PSMD1: variants seen among roughly 807,000 people sequenced by gnomAD.
PSMD1 encodes proteasome 26S subunit, non-ATPase 1.
PSMD1 carries 18 observed loss-of-function variants against 119.0 expected under a neutral mutation model. The observed-to-expected ratio is 0.15, with a 90% CI of 0.10 to 0.22. PSMD1 has a LOEUF of 0.22. Among genes scored for constraint, PSMD1 ranks in the 10% least tolerant of loss-of-function variants. The pLI is 1.00. For missense variants in PSMD1, 702 were observed against 1,158.5 expected (o/e 0.61, Z 5.72); for synonymous variants, 374 against 396.6 (o/e 0.94, Z 0.68).
At chr2:231,157,586 T>TC (rs1553568809) in intron 19 of PSMD1, among the ~76,000 whole-genome samples, 1 of 150,752 alleles carries the variant, frequency 6.6e-6, no homozygotes, top group South Asian at 2.1e-4. Flanking sequence ...TTCTTTTTTT[T>TC]GGGGGGGGCC....
At chr2:231,140,538 T>TAAG (rs1696083530) in intron 17 of PSMD1, among the ~76,000 whole-genome samples, 1 of 138,104 alleles carries the variant, frequency 7.2e-6, no homozygotes, top group East Asian at 2.1e-4. Flanking sequence ...TGTGTACAAA[T>TAAG]AAGTTTTTCT....
intron 16 of PSMD1, 55 bp downstream of exon 16, chr2:231,087,236 G>A (rs1694475053): frequency 6.8e-6 from 10 of 1,462,458 alleles, no homozygotes; most frequent in African/African-American, 1.4e-5. Context: ...TGGAAATGTA[G>A]TAGTCACTAC....
intron 18 of PSMD1, among the ~76,000 whole-genome samples, chr2:231,149,925 G>GAAGAATATTTGA (rs1696335445): frequency 6.6e-6 from 1 of 152,136 alleles, no homozygotes; most frequent in South Asian, 2.1e-4. Flanking sequence ...TATTTTGAAG[G>GAAGAATATTTGA]AAGAATACAG....
intron 16 of PSMD1, among the ~76,000 whole-genome samples, chr2:231,124,440 AC>A (rs1011630005): frequency 6.6e-6 from 1 of 152,126 alleles, no homozygotes; most frequent in African/African-American, 2.4e-5. Flanking sequence ...TGCGCTGGCC[AC>A]CCACCTAGAA....
intron 10 of PSMD1, 44 bp downstream of exon 10, chr2:231,078,791 CTTTTTTTTT>C (rs748353083): frequency 7.6e-5 from 26 of 342,868 alleles, no homozygotes; most frequent in African/African-American, 1.7e-4. Context: ...AAATCTTTTT[CTTTTTTTTT>C]TTTTTTTTTT....
At chr2:231,066,235 T>G (rs1205196031) in intron 4 of PSMD1, among the ~76,000 whole-genome samples, 5 of 152,222 alleles carry the variant, frequency 3.3e-5, no homozygotes, top group Non-Finnish European at 7.3e-5. Context: ...TGGAAAAGTT[T>G]TTGGAAATCT....
intron 16 of PSMD1, chr2:231,109,215 A>C (rs778435492): frequency 3.1e-6 from 5 of 1,614,096 alleles, no homozygotes; most frequent in Admixed American, 1.7e-5. Flanking sequence ...TTTTTGACTA[A>C]GTAAGCCTTC....
At chr2:231,062,154 C>T in intron 2 of PSMD1, 94 bp from the exon 3 acceptor site, 1 of 769,744 alleles carries the variant, frequency 1.3e-6, no homozygotes, top group Non-Finnish European at 2.2e-6. Flanking sequence ...GTAAATATTA[C>T]TGAGGATTTG....
intron 17 of PSMD1, among the ~76,000 whole-genome samples, chr2:231,143,707 C>G (rs1313096100): frequency 6.6e-6 from 1 of 152,118 alleles, no homozygotes; most frequent in African/African-American, 2.4e-5. Flanking sequence ...TTCCTAGAAC[C>G]TTTGATACAG....
intron 16 of PSMD1, among the ~76,000 whole-genome samples, chr2:231,116,268 A>C (rs945896274): frequency 6.6e-6 from 1 of 152,174 alleles, no homozygotes; most frequent in Non-Finnish European, 1.5e-5. Context: ...ATGAGGGTAC[A>C]TCTTGAGCTG....
chr2:231,138,909 C>T (rs747910974), intron 17 of PSMD1, 59 bp downstream of exon 17: 13 of 1,272,370 alleles, frequency 1.0e-5, no homozygotes, highest in Admixed American at 1.8e-5. Context: ...TTTCCCTCGC[C>T]GCAGAATTTA....
At chr2:231,092,253 A>G (rs768514707) in intron 16 of PSMD1, among the ~76,000 whole-genome samples, 2 of 152,160 alleles carry the variant, frequency 1.3e-5, no homozygotes, top group Non-Finnish European at 2.9e-5. Flanking sequence ...TGTCTCCTTA[A>G]TACCATGATA....
At chr2:231,166,366 C>T (rs1484263298) in intron 23 of PSMD1, among the ~76,000 whole-genome samples, 1 of 152,166 alleles carries the variant, frequency 6.6e-6, no homozygotes, top group Non-Finnish European at 1.5e-5. Flanking sequence ...GGTACTAAAT[C>T]TCTCTCTGCC....
chr2:231,137,983 G>A (rs1696012785), intron 16 of PSMD1, among the ~76,000 whole-genome samples: 1 of 152,142 alleles, frequency 6.6e-6, no homozygotes, highest in Non-Finnish European at 1.5e-5. Flanking sequence ...ATACACCTGT[G>A]TAACCAGTAC....
intron 16 of PSMD1, among the ~76,000 whole-genome samples, chr2:231,101,147 A>G (rs958810907): frequency 5.3e-5 from 8 of 152,318 alleles, no homozygotes; most frequent in African/African-American, 1.7e-4. Flanking sequence ...AGCAAACACA[A>G]TTTGTGGGTA....
chr2:231,163,100 CAAA>C (rs202054935), intron 20 of PSMD1: 3 of 102,148 alleles, frequency 2.9e-5, no homozygotes, highest in Non-Finnish European at 4.1e-5. Context: ...AACTCCGTCT[CAAA>C]AAAAAAAAAA....
chr2:231,132,369 T>C (rs1380626929), intron 16 of PSMD1, among the ~76,000 whole-genome samples: 2 of 152,230 alleles, frequency 1.3e-5, no homozygotes, highest in Admixed American at 1.3e-4. Flanking sequence ...AAGGGGTAAC[T>C]TGATAAGTAT....
At chr2:231,131,945 A>C (rs552479940) in intron 16 of PSMD1, among the ~76,000 whole-genome samples, 10 of 152,196 alleles carry the variant, frequency 6.6e-5, no homozygotes, top group African/African-American at 2.2e-4. Flanking sequence ...TTTCTAAAGA[A>C]TGTGTCAGAG....
At position 231,171,404 on chromosome 2, in the gene PSMD1, G is replaced by A. The variant is rs1157696450; in HGVS notation, c.*9+683G>A. ...CAGTGTTGAAAGGGGTCTTTAGATG[G>A]GAAAGTTTGGAGTAATCTAATTTCA... On this transcript the variant is annotated intron_variant, in intron 24 of 24. Coordinates refer to ENST00000308696, the MANE Select transcript of PSMD1 (RefSeq NM_002807.4). Among the ~76,000 whole-genome samples the A allele has an allele frequency of 2.6e-5, 4 of 152,068 alleles. No individual in the cohort carries two copies. In the East Asian group the frequency reaches 5.8e-4, roughly 22 times the overall value.
Sources: allele counts gnomAD v4.1 joint callset (sites outside exome capture counted in the v4.1 genomes callset), GRCh38; gene constraint gnomAD v4.1.1; transcripts MANE v1.5; gene names NCBI Gene and HGNC (gene_info 2026-07-23, HGNC 2026-07-21).